Variants in MACROD2 observed in about 807,000 individuals in gnomAD.
MACROD2 encodes the protein mono-ADP ribosylhydrolase 2.
A neutral mutation model predicts 70.4 loss-of-function variants in MACROD2; 36 were observed. The ratio of observed to expected loss-of-function variants is 0.51; its 90% CI spans 0.39 to 0.68. The LOEUF (loss-of-function observed/expected upper bound fraction) is 0.68. Among genes scored for constraint, MACROD2 ranks in the 30% least tolerant of loss-of-function variants. MACROD2 has a pLI of 0.00. For missense variants in MACROD2, 496 were observed against 538.4 expected, an observed-to-expected ratio of 0.92 and a Z score of 0.78; for synonymous variants, 172 against 178.8, an observed-to-expected ratio of 0.96 and a Z score of 0.30.
intron 15 of MACROD2, among the ~76,000 whole-genome samples, chr20:16,019,187 A>C (rs2066968464): frequency 6.6e-6 from 1 of 152,236 alleles, no homozygotes; most frequent in Admixed American, 6.5e-5. Flanking sequence ...GTACAAAGAG[A>C]ACCAAAATTT....
At chr20:15,081,933 G>T (rs1447479736) in intron 5 of MACROD2, among the ~76,000 whole-genome samples, 1 of 152,122 alleles carries the variant, frequency 6.6e-6, no homozygotes, top group Non-Finnish European at 1.5e-5. Flanking sequence ...ACTTTTTGAA[G>T]CTAATTGTGC....
intron 8 of MACROD2, among the ~76,000 whole-genome samples, chr20:15,806,321 T>G (rs1250012069): frequency 6.6e-6 from 1 of 152,174 alleles, no homozygotes; most frequent in Non-Finnish European, 1.5e-5. Flanking sequence ...TTACACTGGT[T>G]CAATGAAGAT....
chr20:15,570,546 C>T (rs909879322), intron 8 of MACROD2, among the ~76,000 whole-genome samples: 1 of 152,152 alleles, frequency 6.6e-6, no homozygotes, highest in Non-Finnish European at 1.5e-5. Flanking sequence ...ACTAAAAGTC[C>T]AGGGGAAGGA....
intron 8 of MACROD2, among the ~76,000 whole-genome samples, chr20:15,834,439 C>A (rs1305165754): frequency 6.6e-6 from 1 of 152,128 alleles, no homozygotes; most frequent in Non-Finnish European, 1.5e-5. Context: ...TACCAAGTAC[C>A]TCTTTATTTC....
At chr20:15,949,596 C>T (rs2065877613) in intron 12 of MACROD2, among the ~76,000 whole-genome samples, 1 of 152,138 alleles carries the variant, frequency 6.6e-6, no homozygotes. Flanking sequence ...GCCCCCATTC[C>T]CCAGTGGAGA....
rs2052956583 is a variant in MACROD2, at chr20:14,014,246, A to C, written c.163+11842A>C. Reference sequence around the variant, plus strand: ...CTCCCCCCTCCCCCCCACCCCCAATAATTTTTGCATAGGAGAGAGTCTTCT... The same window carrying C: ...CTCCCCCCTCCCCCCCACCCCCAATCATTTTTGCATAGGAGAGAGTCTTCT... On this transcript the variant is annotated intron_variant, in intron 2 of 17. Coordinates refer to ENST00000684519, the MANE Select transcript of MACROD2 (RefSeq NM_001351661.2). 5.8e-5 allele frequency among the ~76,000 whole-genome samples: 6 copies of C among 103,524 alleles called. No individual in the cohort carries two copies. The South Asian group carries it at 1.8e-3, about 32-fold the overall frequency. 67.9% of individuals were successfully genotyped at this position (103,524 alleles called of 152,430 possible).
intron 8 of MACROD2, among the ~76,000 whole-genome samples, chr20:15,705,760 A>G (rs1403985609): frequency 6.6e-6 from 1 of 152,212 alleles, no homozygotes; most frequent in Non-Finnish European, 1.5e-5. Context: ...AGACCAATTC[A>G]GAGAAAAATG....
At chr20:15,329,169 C>T (rs1156514195) in intron 6 of MACROD2, among the ~76,000 whole-genome samples, 1 of 152,012 alleles carries the variant, frequency 6.6e-6, no homozygotes, top group African/African-American at 2.4e-5. Flanking sequence ...CTGTATTTAC[C>T]CTTCTTCCAT....
At chr20:15,851,285 T>C (rs891371093) in intron 8 of MACROD2, among the ~76,000 whole-genome samples, 5 of 150,988 alleles carry the variant, frequency 3.3e-5, no homozygotes, top group Middle Eastern at 6.8e-3. Context: ...GGCTCAGGAG[T>C]GGGGAAAGTG....
rs558317814 is a variant in MACROD2 at position 15,848,792 on chromosome 20, T to TTAG, written c.646-13948_646-13946dup. On this transcript the variant is annotated intron_variant, in intron 8 of 17. Coordinates refer to ENST00000684519, the MANE Select transcript of MACROD2 (RefSeq NM_001351661.2). ...TTTCCTTTTGGGGTCCCTAAGTCAG[T>TTAG]TAGTAGTCATAATTAGGTCACTCAG... Among the ~76,000 whole-genome samples the TTAG allele has an allele frequency of 2.2e-4, 34 of 152,174 alleles. No individual in the cohort carries two copies. In the South Asian group the frequency reaches 6.2e-3, roughly 28 times the overall value.
intron 6 of MACROD2, among the ~76,000 whole-genome samples, chr20:15,355,215 G>A (rs533183569): frequency 6.6e-6 from 1 of 152,260 alleles, no homozygotes. Context: ...TTTGTACTTT[G>A]CCATCTGTAC....
chr20:14,008,844 CT>C, intron 2 of MACROD2, among the ~76,000 whole-genome samples: 2 of 121,270 alleles, frequency 1.6e-5, no homozygotes, highest in Admixed American at 8.2e-5. Flanking sequence ...TCCGACAAAC[CT>C]GGAGATCACA....
At chr20:15,693,996 T>C (rs2050332248) in intron 8 of MACROD2, among the ~76,000 whole-genome samples, 1 of 152,152 alleles carries the variant, frequency 6.6e-6, no homozygotes, top group African/African-American at 2.4e-5. Flanking sequence ...TTACTTCACT[T>C]AGAATAATAG....
intron 8 of MACROD2, among the ~76,000 whole-genome samples, chr20:15,586,596 C>T (rs2048605590): frequency 6.6e-6 from 1 of 152,118 alleles, no homozygotes; most frequent in Non-Finnish European, 1.5e-5. Flanking sequence ...TGGAACATTT[C>T]CACAGAAGGA....
intron 5 of MACROD2, among the ~76,000 whole-genome samples, chr20:14,830,188 C>T (rs886285376): frequency 5.9e-5 from 9 of 152,196 alleles, no homozygotes; most frequent in Admixed American, 2.6e-4. Flanking sequence ...TAGGGCACTA[C>T]GGTTCATTAA....
intron 4 of MACROD2, among the ~76,000 whole-genome samples, chr20:14,598,088 G>A (rs1436059578): frequency 1.3e-5 from 2 of 152,074 alleles, no homozygotes. Context: ...GAGTTTAAGA[G>A]TAATGAACAT....
At chr20:14,812,078 T>C (rs886541265) in intron 5 of MACROD2, among the ~76,000 whole-genome samples, 1 of 152,102 alleles carries the variant, frequency 6.6e-6, no homozygotes, top group Non-Finnish European at 1.5e-5. Flanking sequence ...CATTACTGGG[T>C]ATATACCCAA....
chr20:15,091,348 C>T (rs1382855191), intron 5 of MACROD2, among the ~76,000 whole-genome samples: 2 of 149,666 alleles, frequency 1.3e-5, no homozygotes, highest in African/African-American at 5.0e-5. Context: ...AAAAATAAAA[C>T]CAAACAAAAA....
At chr20:15,537,467 CTTTTTTT>C (rs35857138) in intron 8 of MACROD2, among the ~76,000 whole-genome samples, 2 of 89,928 alleles carry the variant, frequency 2.2e-5, no homozygotes, top group African/African-American at 4.8e-5. Context: ...TCCCACTCAT[CTTTTTTT>C]TTTTTTTTTT....
Sources: gnomAD v4.1 joint callset for allele counts (sites outside exome capture counted in the v4.1 genomes callset) on GRCh38, gnomAD v4.1.1 for gene constraint, MANE v1.5 for transcripts, NCBI Gene and HGNC (gene_info 2026-07-23, HGNC 2026-07-21) for gene names.